The following MAPK10 variants were observed in gnomAD, a reference collection of about 807,000 sequenced individuals.
The protein encoded by MAPK10 is JNK3 alpha protein kinase.
A neutral mutation model predicts 59.3 loss-of-function variants in MAPK10; 25 were observed. The observed-to-expected ratio is 0.42, with a 90% CI of 0.31 to 0.59. MAPK10 has a LOEUF of 0.59. Ranked by LOEUF, MAPK10 falls within the 20% of genes least tolerant of loss-of-function variation. The pLI, the probability that MAPK10 is intolerant of heterozygous loss-of-function variation, is 0.15. For missense variants in MAPK10, 351 were observed against 568.9 expected (o/e 0.62, Z 3.90); for synonymous variants, 190 against 200.5 (o/e 0.95, Z 0.44).
At chr4:86,515,275 G>A (rs753131823) in intron 1 of MAPK10, among the ~76,000 whole-genome samples, 67 of 152,152 alleles carry the variant, frequency 4.4e-4, no homozygotes, top group Non-Finnish European at 1.3e-4. Flanking sequence ...TTTGCATTGT[G>A]AATTGTGCTG....
At chr4:86,345,184 C>T (rs1040747433) in intron 2 of MAPK10, among the ~76,000 whole-genome samples, 5 of 152,114 alleles carry the variant, frequency 3.3e-5, no homozygotes, top group African/African-American at 1.2e-4. Flanking sequence ...TTCTGAGCCC[C>T]CTCTTCCCCT....
At chr4:86,523,802 T>C (rs1024070032) in intron 1 of MAPK10, among the ~76,000 whole-genome samples, 9 of 152,330 alleles carry the variant, frequency 5.9e-5, no homozygotes, top group Non-Finnish European at 1.2e-4. Flanking sequence ...AAATATCCGA[T>C]GGTTATTTCA....
At chr4:86,107,789 G>T in intron 4 of MAPK10, 1 of 304,706 alleles carries the variant, frequency 3.3e-6, no homozygotes, top group Non-Finnish European at 4.8e-6. Flanking sequence ...AATTTTTATA[G>T]CTATAAAATT....
intron 2 of MAPK10, among the ~76,000 whole-genome samples, chr4:86,210,578 T>C (rs1459222614): frequency 6.6e-6 from 1 of 152,022 alleles, no homozygotes; most frequent in Non-Finnish European, 1.5e-5. Context: ...CTGATGTGAT[T>C]TGTATGCATT....
At chr4:86,591,099 TTTTAAATAAAGA>T (rs1458412663) in intron 1 of MAPK10, among the ~76,000 whole-genome samples, 1 of 152,146 alleles carries the variant, frequency 6.6e-6, no homozygotes, top group Non-Finnish European at 1.5e-5. Flanking sequence ...TATTTATTTT[TTTTAAATAAAGA>T]TGGGGTCTTG....
chr4:86,407,675 G>A (rs541760981), intron 1 of MAPK10, among the ~76,000 whole-genome samples: 66 of 152,202 alleles, frequency 4.3e-4, no homozygotes, highest in Non-Finnish European at 8.7e-4. Flanking sequence ...ATTTGTGAAT[G>A]TAAAAAGATA....
At chr4:86,030,621 T>C (rs1196878553) in intron 12 of MAPK10, among the ~76,000 whole-genome samples, 1 of 152,152 alleles carries the variant, frequency 6.6e-6, no homozygotes, top group East Asian at 1.9e-4. Context: ...GTGTGAGTCA[T>C]CGCTCCTGGC....
At chr4:86,508,191 C>T (rs1015730254) in intron 1 of MAPK10, among the ~76,000 whole-genome samples, 11 of 152,150 alleles carry the variant, frequency 7.2e-5, no homozygotes, top group East Asian at 1.9e-4. Context: ...TATTTAGTTT[C>T]GCATTAATGG....
At chr4:86,482,368 AC>A (rs1198260301) in intron 1 of MAPK10, among the ~76,000 whole-genome samples, 3 of 152,160 alleles carry the variant, frequency 2.0e-5, no homozygotes, top group Non-Finnish European at 4.4e-5. Flanking sequence ...CAGTCCACCA[AC>A]ATAAATCTTG....
At chr4:86,483,213 T>A (rs1015058176) in intron 1 of MAPK10, among the ~76,000 whole-genome samples, 4 of 152,194 alleles carry the variant, frequency 2.6e-5, no homozygotes, top group Non-Finnish European at 5.9e-5. Context: ...GTGTTGATTG[T>A]CATGTTTATT....
intron 2 of MAPK10, among the ~76,000 whole-genome samples, chr4:86,195,666 C>CACCCATCA (rs1235937324): frequency 6.6e-6 from 1 of 152,136 alleles, no homozygotes; most frequent in Non-Finnish European, 1.5e-5. Context: ...TGGTTTGCTG[C>CACCCATCA]ACCCATCAAC....
intron 9 of MAPK10, among the ~76,000 whole-genome samples, chr4:86,071,113 G>A (rs1177798146): frequency 6.6e-6 from 1 of 151,632 alleles, no homozygotes; most frequent in Non-Finnish European, 1.5e-5. Context: ...ATCTCATAGT[G>A]GTTTTGATTT....
chr4:86,216,977 A>G (rs918401670), intron 2 of MAPK10, among the ~76,000 whole-genome samples: 2 of 152,176 alleles, frequency 1.3e-5, no homozygotes, highest in African/African-American at 4.8e-5. Context: ...TTTTGAACTA[A>G]AAGAAAACAT....
chr4:86,169,188 C>G (rs977207752), intron 3 of MAPK10, among the ~76,000 whole-genome samples: 2 of 152,216 alleles, frequency 1.3e-5, no homozygotes, highest in African/African-American at 4.8e-5. Flanking sequence ...CAGTTCCTCA[C>G]CAGCAACAGA....
At chr4:86,143,783 A>C (rs985171759) in intron 4 of MAPK10, among the ~76,000 whole-genome samples, 1 of 152,236 alleles carries the variant, frequency 6.6e-6, no homozygotes, top group African/African-American at 2.4e-5. Context: ...ATTGCATATG[A>C]GGAAATACAC....
intron 1 of MAPK10, among the ~76,000 whole-genome samples, chr4:86,446,057 G>A (rs539745674): frequency 3.9e-5 from 6 of 152,224 alleles, no homozygotes; most frequent in African/African-American, 1.4e-4. Flanking sequence ...TTTGATGATC[G>A]ATTATAGCTT....
intron 9 of MAPK10, among the ~76,000 whole-genome samples, chr4:86,098,059 G>A (rs2054570114): frequency 6.6e-6 from 1 of 152,098 alleles, no homozygotes; most frequent in African/African-American, 2.4e-5. Flanking sequence ...TTGATTTAGT[G>A]TCGAGTAATT....
intron 2 of MAPK10, among the ~76,000 whole-genome samples, chr4:86,319,038 G>T (rs2095842324): frequency 6.6e-6 from 1 of 152,134 alleles, no homozygotes; most frequent in Admixed American, 6.6e-5. Flanking sequence ...AAGTTAAATA[G>T]CAGAAGGGAC....
chr4:86,256,502 AG>A (rs1310209088), intron 2 of MAPK10, among the ~76,000 whole-genome samples: 1 of 152,112 alleles, frequency 6.6e-6, no homozygotes, highest in Non-Finnish European at 1.5e-5. Context: ...TTAAAATTAG[AG>A]AAAAAAAATT....
Sources: allele counts gnomAD v4.1 joint callset (sites outside exome capture counted in the v4.1 genomes callset), GRCh38; gene constraint gnomAD v4.1.1; transcripts MANE v1.5; gene names NCBI Gene and HGNC (gene_info 2026-07-23, HGNC 2026-07-21).